The following RAD54L variants were observed in gnomAD, a reference collection of about 807,000 sequenced individuals.
RAD54L encodes DNA repair and recombination protein RAD54-like.
In RAD54L, 74 loss-of-function variants were observed where a neutral mutation model predicts 91.6. The observed-to-expected ratio is 0.81, with a 90% confidence interval of 0.67 to 0.98. RAD54L has a LOEUF of 0.98. RAD54L is among the 50% of genes least tolerant of loss of function. The pLI is 0.00. For missense variants in RAD54L, 887 were observed against 945.7 expected, an observed-to-expected ratio of 0.94 and a Z score of 0.81; for synonymous variants, 304 against 349.7, an observed-to-expected ratio of 0.87 and a Z score of 1.46.
Position 46,267,460 on chromosome 1 carries a change from G to A in RAD54L, c.893G>A (p.Gly298Glu). The A allele has an allele frequency of 6.2e-7, 1 of 1,613,958 alleles. No homozygotes were observed. Among genetic ancestry groups the A allele is most frequent in the Non-Finnish European group, 8.5e-7 (1 of 1,180,030 alleles). The change falls in exon 9 of 18, where the codon GGA becomes GAA. Residue 298 changes from glycine to glutamate, a missense_variant and splice_region_variant. By Grantham distance (98) the Gly-to-Glu change is moderately conservative. Transcript: ENST00000371975. ...CTCTGAATAAGGATTCTCTTGCAGGGACACAGGCTCAAGAACTCTGAGAAT... is the reference window on the plus strand; with the variant it reads ...CTCTGAATAAGGATTCTCTTGCAGGAACACAGGCTCAAGAACTCTGAGAAT... ...GSVGLVICDEGHRLKNSENQT... is the reference protein window; with the variant it reads ...GSVGLVICDEEHRLKNSENQT...
In RAD54L at chr1:46,259,919, C is replaced by G; in HGVS notation, c.272-45C>G. 3.1e-6 allele frequency: 5 copies of G among 1,613,814 alleles called. No homozygotes were observed. In the South Asian group the frequency reaches 5.5e-5, roughly 18 times the overall value. On this transcript the variant is annotated intron_variant, in intron 4 of 17. Coordinates refer to ENST00000371975, the MANE Select transcript of RAD54L (RefSeq NM_003579.4). ...AGTATTTGAGCTGGGCTTGCTGGAGCTCCTAAACATAGATTCAGGTGACGG... is the reference window on the plus strand; with the variant it reads ...AGTATTTGAGCTGGGCTTGCTGGAGGTCCTAAACATAGATTCAGGTGACGG...
At chr1:46,277,001 T>C (rs1660625402) in intron 16 of RAD54L, among the ~76,000 whole-genome samples, 3 of 152,322 alleles carry the variant, frequency 2.0e-5, no homozygotes, top group Admixed American at 2.0e-4. Context: ...TTTGCCATGT[T>C]GGTCAGGCTG....
chr1:46,274,295 T>C, intron 15 of RAD54L, 79 bp downstream of exon 15: 1 of 1,474,442 alleles, frequency 6.8e-7, no homozygotes, highest in Non-Finnish European at 9.4e-7. Context: ...TATAAGGGGT[T>C]ACCTTGATTT....
chr1:46,275,740 A>C (rs1289016400), intron 16 of RAD54L, among the ~76,000 whole-genome samples: 3 of 152,148 alleles, frequency 2.0e-5, no homozygotes, highest in African/African-American at 7.2e-5. Context: ...ATACCACTGA[A>C]CCTACCTTCA....
intron 3 of RAD54L, among the ~76,000 whole-genome samples, chr1:46,252,635 A>G (rs188052388): frequency 6.6e-6 from 1 of 152,302 alleles, no homozygotes; most frequent in South Asian, 2.1e-4. Flanking sequence ...GATAGGGAAC[A>G]CAGAAGAAGA....
At chr1:46,253,720 C>CTTTTT (rs3063981) in intron 3 of RAD54L, among the ~76,000 whole-genome samples, 1,839 of 83,422 alleles carry the variant, frequency 0.022, 321 homozygotes, top group African/African-American at 0.065. Flanking sequence ...CTTAGGTACT[C>CTTTTT]TTTTTTTTTT....
At chr1:46,264,245 A>G (rs1200143944) in intron 8 of RAD54L, among the ~76,000 whole-genome samples, 1 of 152,030 alleles carries the variant, frequency 6.6e-6, no homozygotes, top group Non-Finnish European at 1.5e-5. Flanking sequence ...TATTTTGTCA[A>G]CTGTCAGAGA....
Position 46,260,584 on chromosome 1 carries a change from T to G in RAD54L, c.450T>G (p.Ser150Arg). 4 of 1,614,088 alleles carry G rather than the reference T, an allele frequency of 2.5e-6. No individual in the cohort carries two copies. Among genetic ancestry groups the G allele is most frequent in the Non-Finnish European group, 3.4e-6 (4 of 1,179,990 alleles). ...PVHVVVDPIL[S>R]KVLRPHQREG... ...ATGTGGTTGTTGACCCTATTCTCAG[T>G]AAGGTTTTGCGGCCTCATCAGAGAG... The change falls in exon 6 of 18, where the codon AGT (serine) becomes AGG (arginine). Residue 150 changes from serine (S) to arginine (R), a missense_variant. Transcript: ENST00000371975.
At chr1:46,262,406 C>CA (rs1013383194) in intron 8 of RAD54L, among the ~76,000 whole-genome samples, 1 of 151,580 alleles carries the variant, frequency 6.6e-6, no homozygotes, top group Non-Finnish European at 1.5e-5. Flanking sequence ...GACTCTGTCT[C>CA]AAAAAAACAA....
At chr1:46,277,720 G>C in intron 16 of RAD54L, 97 bp from the exon 17 acceptor site, 1 of 1,365,852 alleles carries the variant, frequency 7.3e-7, no homozygotes. Flanking sequence ...CCTCTTCTCG[G>C]GTAGCTGTAG....
At chr1:46,274,469 G>A (rs750353721) in intron 15 of RAD54L, 69 bp from the exon 16 acceptor site, 1 of 1,543,944 alleles carries the variant, frequency 6.5e-7, no homozygotes, top group South Asian at 1.1e-5. Flanking sequence ...GGGAGGAGCT[G>A]GTTGGGCTGA....
At chr1:46,273,161 A>G (rs1159026123) in intron 12 of RAD54L, among the ~76,000 whole-genome samples, 194 bp from the exon 13 acceptor site, 1 of 152,204 alleles carries the variant, frequency 6.6e-6, no homozygotes, top group African/African-American at 2.4e-5. Context: ...AGAACACATT[A>G]GTGAGTGAGA....
chr1:46,257,848 A>G (rs1659984509), intron 3 of RAD54L, among the ~76,000 whole-genome samples: 1 of 152,142 alleles, frequency 6.6e-6, no homozygotes, highest in Non-Finnish European at 1.5e-5. Context: ...AAAGTCCTGC[A>G]TTTGTAATGG....
chr1:46,269,058 C>G (rs1001851298), intron 9 of RAD54L, among the ~76,000 whole-genome samples: 20 of 152,138 alleles, frequency 1.3e-4, no homozygotes, highest in African/African-American at 4.3e-4. Context: ...AGCCCCTATG[C>G]CTGGCTTCCA....
chr1:46,248,717 C>T lies in RAD54L; in HGVS notation c.90+119C>T, dbSNP rs549146092. The stretch of plus-strand genomic sequence containing the variant: ...ATGCCTCTTTTGTATGTTCAATAAA[C>T]TTTTAGTGAGTACTTACTATGTGCC... On this transcript the variant is annotated intron_variant, in intron 2 of 17. Transcript: ENST00000371975. The T allele has an allele frequency of 3.1e-4, 265 of 857,538 alleles. 2 individuals are homozygous for T. The highest frequency in any genetic ancestry group is 2.2e-3 in the South Asian group (156 of 69,810). 53.1% of individuals were successfully genotyped at this position (857,538 alleles called of 1,614,324 possible). A position where few individuals can be genotyped will look rare whatever the true frequency, so the allele number is the denominator to read the frequency against.
At position 46,274,661 on chromosome 1, in the gene RAD54L, GC is replaced by G. The variant is rs1167500386; in HGVS notation, c.1816del (p.Arg606GlyfsTer36). On this transcript the variant is annotated frameshift_variant, in exon 16 of 18. Transcript: ENST00000371975. LOFTEE classifies it high-confidence loss of function. ...CCCAGCCAATGATGAACAAGCCATGGCCCGGGTCTGGCGAGATGGTCAAAAG... is the reference window on the plus strand; with the variant it reads ...CCCAGCCAATGATGAACAAGCCATGGCCGGGTCTGGCGAGATGGTCAAAAG... ...WNPANDEQAM[A>X]RVWRDGQKKT... 1 of 1,614,086 alleles carries G rather than the reference GC, an allele frequency of 6.2e-7. No homozygotes were observed.
chr1:46,257,629 C>T (rs1007360093), intron 3 of RAD54L, among the ~76,000 whole-genome samples: 55 of 152,312 alleles, frequency 3.6e-4, no homozygotes, highest in African/African-American at 1.2e-3. Context: ...CTCTAGGACC[C>T]ACATATGTCT....
At chr1:46,276,883 C>T (rs1660620046) in intron 16 of RAD54L, among the ~76,000 whole-genome samples, 1 of 152,220 alleles carries the variant, frequency 6.6e-6, no homozygotes. Context: ...TCACTGCAAC[C>T]TCTGCTTCCC....
In RAD54L at chr1:46,260,532, G is replaced by A. The variant is rs774823254; in HGVS notation, c.408-10G>A. On this transcript the variant is annotated splice_polypyrimidine_tract_variant and intron_variant, in intron 5 of 17. Transcript: ENST00000371975. ...CTGAGCACGCTGTTTTCTTTGCTGTGTTTTCTCAGGGAGAAACTCCCTGTC... is the reference window on the plus strand; with the variant it reads ...CTGAGCACGCTGTTTTCTTTGCTGTATTTTCTCAGGGAGAAACTCCCTGTC... 1.9e-6 allele frequency: 3 copies of A among 1,613,658 alleles called. No individual in the cohort carries two copies. The highest frequency in any genetic ancestry group is 1.7e-5 in the Admixed American group (1 of 60,012).
Sources: allele counts gnomAD v4.1 joint callset (sites outside exome capture counted in the v4.1 genomes callset), GRCh38; gene constraint gnomAD v4.1.1; transcripts MANE v1.5; gene names NCBI Gene and HGNC (gene_info 2026-07-23, HGNC 2026-07-21).